The following ERCC1 variants were observed in gnomAD, a reference collection of about 807,000 sequenced individuals.
The protein encoded by ERCC1 is DNA excision repair protein ERCC-1.
Under a neutral mutation model 37.6 loss-of-function variants are expected in ERCC1, and 36 were observed. The ratio of observed to expected loss-of-function variants is 0.96; its 90% CI spans 0.73 to 1.26. The LOEUF (loss-of-function observed/expected upper bound fraction) is 1.26. ERCC1 is among the 50% of genes most tolerant of loss of function. The pLI is 0.00. For missense variants in ERCC1, 349 were observed against 376.5 expected, an observed-to-expected ratio of 0.93 and a Z score of 0.60; for synonymous variants, 156 against 162.1, an observed-to-expected ratio of 0.96 and a Z score of 0.28.
At chr19:45,442,935 G>C (rs1975158568) in intron 1 of ERCC1, among the ~76,000 whole-genome samples, 1 of 152,120 alleles carries the variant, frequency 6.6e-6, no homozygotes, top group African/African-American at 2.4e-5. Flanking sequence ...GACACATCTC[G>C]GTGATAGCAC....
At chr19:45,428,992 G>C (rs1001059912) in intron 1 of ERCC1, 4 of 152,254 alleles carry the variant, frequency 2.6e-5, no homozygotes, top group African/African-American at 9.6e-5. Flanking sequence ...GAGGCCCCCG[G>C]ATGGGGGGCA....
chr19:45,421,396 G>A lies in ERCC1; in HGVS notation c.106-3C>T, dbSNP rs56337328. On this transcript the variant is annotated splice_polypyrimidine_tract_variant and splice_region_variant and intron_variant, in intron 2 of 9. Coordinates refer to ENST00000300853, the MANE Select transcript of ERCC1 (RefSeq NM_001983.4). ...GTAGATCGGAATAAGGGCTTGGCCT[G>A]TGGGGAGAAAGGGAGTTTGCAGGGG... 5.3e-4 allele frequency: 834 copies of A among 1,580,016 alleles called. 4 individuals carry two copies. The African/African-American group carries it at 0.011, about 21-fold the overall frequency.
chr19:45,426,926 C>T (rs1332940939), upstream of ERCC1, among the ~76,000 whole-genome samples: 1 of 146,036 alleles, frequency 6.8e-6, no homozygotes, highest in South Asian at 2.2e-4. Context: ...CGCAATTGTA[C>T]TCCAGCCTGG....
At chr19:45,416,778 T>C (rs778573858) in intron 6 of ERCC1, 43 bp downstream of exon 6, 27 of 1,506,244 alleles carry the variant, frequency 1.8e-5, no homozygotes, top group Non-Finnish European at 2.4e-5. Flanking sequence ...CAGGGACCAA[T>C]CCCAGGTGGA....
chr19:45,416,481 C>T (rs1251731554), intron 6 of ERCC1: 2 of 287,314 alleles, frequency 7.0e-6, no homozygotes, highest in Non-Finnish European at 1.3e-5. Flanking sequence ...CAAAACCCGT[C>T]CCTACTAAAA....
intron 1 of ERCC1, among the ~76,000 whole-genome samples, chr19:45,435,504 G>A (rs1350770487): frequency 1.3e-5 from 2 of 152,022 alleles, no homozygotes; most frequent in African/African-American, 4.8e-5. Flanking sequence ...ATTCTGTTAC[G>A]CAGGTTGGAG....
chr19:45,444,456 C>T (rs1272989001), intron 1 of ERCC1, among the ~76,000 whole-genome samples: 1 of 152,100 alleles, frequency 6.6e-6, no homozygotes, highest in Non-Finnish European at 1.5e-5. Context: ...CAGGCCCCGC[C>T]CCGCCCCAGG....
chr19:45,434,174 A>AGAGG (rs1974912620), intron 1 of ERCC1, among the ~76,000 whole-genome samples: 3 of 146,754 alleles, frequency 2.0e-5, no homozygotes, highest in African/African-American at 7.6e-5. Context: ...AAAAAAAAAA[A>AGAGG]AAGAGGAAGA....
In ERCC1 at chr19:45,421,163, C is replaced by T. The variant is rs1285292206; in HGVS notation, c.321+15G>A. Reference sequence around the variant, plus strand: ...TGAAAACCTCAAGGCCTCACTTCTCCGTCTCCCTCCTCACCTGCCGAGGGC... The same window carrying T: ...TGAAAACCTCAAGGCCTCACTTCTCTGTCTCCCTCCTCACCTGCCGAGGGC... On this transcript the variant is annotated intron_variant, in intron 3 of 9. Coordinates refer to ENST00000300853, the MANE Select transcript of ERCC1 (RefSeq NM_001983.4). 27 of 1,611,818 alleles carry T rather than the reference C, an allele frequency of 1.7e-5. No homozygotes were observed. The highest frequency in any genetic ancestry group is 2.2e-5 in the East Asian group (1 of 44,864).
Position 45,420,475 on chromosome 19 carries a change from T to C in ERCC1, c.322-48A>G. 1 of 1,207,956 alleles carries C rather than the reference T, an allele frequency of 8.3e-7. No homozygotes were observed. Among genetic ancestry groups the C allele is most frequent in the Admixed American group, 1.8e-5 (1 of 56,676 alleles). The allele number at this position is 1,207,956 out of a possible 1,614,324, so 74.8% of individuals were successfully genotyped here. A position where few individuals can be genotyped will look rare whatever the true frequency, so the allele number is the denominator to read the frequency against. On this transcript the variant is annotated intron_variant, in intron 3 of 9. Coordinates refer to ENST00000300853, the MANE Select transcript of ERCC1 (RefSeq NM_001983.4). This position sits in a 1 kb window ranked among gnomAD's most constrained non-coding sequence, Gnocchi z 4.8. ...AGCCATCAATAGGGATGACCCTTGA[T>C]AACCACAGGGCCCTCCTCCACCTCT...
rs1245494177 is a variant in ERCC1, at chr19:45,421,875, C to T, written c.106-482G>A. ...CTCGAACTCCTGACCTCAGGTGATC[C>T]GCCCGCCTCGGCCTCCCAAAGTCCT... On this transcript the variant is annotated intron_variant, in intron 2 of 9. Transcript: ENST00000300853. 4.0e-5 allele frequency among the ~76,000 whole-genome samples: 6 copies of T among 151,776 alleles called. 1 individual carries two copies. Among genetic ancestry groups the T allele is most frequent in the South Asian group, 4.2e-4 (2 of 4,818 alleles).
intron 1 of ERCC1, among the ~76,000 whole-genome samples, chr19:45,437,439 T>C (rs1975010029): frequency 6.6e-6 from 1 of 152,218 alleles, no homozygotes; most frequent in East Asian, 1.9e-4. Context: ...AGCCAAGATA[T>C]GGAGTCAACC....
intron 1 of ERCC1, among the ~76,000 whole-genome samples, chr19:45,437,492 ATATACACACGATGGAATAC>A (rs1389401037): frequency 1.3e-5 from 2 of 152,194 alleles, no homozygotes; most frequent in Non-Finnish European, 2.9e-5. Flanking sequence ...CAAATGTTGC[ATATACACACGATGGAATAC>A]TATACAGCCT....
rs770853929 is a variant in ERCC1, at chr19:45,409,377, G to A, written c.*298C>T. On this transcript the variant is annotated 3_prime_UTR_variant, in exon 10 of 10. Transcript: ENST00000300853. ...AAGAGGAAGAAGCAGAGTCAGGAAA[G>A]CCGGATGCCAGAGACAGTGCCCCAA... is the stretch of plus-strand genomic sequence containing the variant. 1 of 1,614,120 alleles carries A rather than the reference G, an allele frequency of 6.2e-7. No homozygotes were observed. Among genetic ancestry groups the A allele is most frequent in the South Asian group, 1.1e-5 (1 of 91,064 alleles).
intron 4 of ERCC1, 85 bp from the exon 5 acceptor site, chr19:45,419,282 G>C: frequency 2.1e-6 from 2 of 958,686 alleles, no homozygotes. Flanking sequence ...GGAATACTAA[G>C]GGCTCAGAGT....
chr19:45,426,849 C>A (rs1209258784), upstream of ERCC1, among the ~76,000 whole-genome samples: 1 of 146,526 alleles, frequency 6.8e-6, no homozygotes, highest in African/African-American at 2.5e-5. Context: ...AATCCCAGCA[C>A]TTTGGAAAGC....
At chr19:45,426,090 A>G (rs1166561522), upstream of ERCC1, among the ~76,000 whole-genome samples, 1 of 151,978 alleles carries the variant, frequency 6.6e-6, no homozygotes, top group Non-Finnish European at 1.5e-5. Flanking sequence ...TTAAAAATAC[A>G]AAATTAGAGT....
chr19:45,429,853 C>T (rs1974790603), intron 1 of ERCC1, among the ~76,000 whole-genome samples: 1 of 152,124 alleles, frequency 6.6e-6, no homozygotes, highest in African/African-American at 2.4e-5. Context: ...GGCATGATCA[C>T]GATTCACTGC....
chr19:45,424,887 A>AT (rs993576914), upstream of ERCC1, among the ~76,000 whole-genome samples: 1 of 149,836 alleles, frequency 6.7e-6, no homozygotes, highest in Non-Finnish European at 1.5e-5. Flanking sequence ...GAGCCCTGCC[A>AT]TAACCCAGGG....
Sources: gnomAD v4.1 joint callset for allele counts (sites outside exome capture counted in the v4.1 genomes callset) on GRCh38, gnomAD v4.1.1 for gene constraint, Gnocchi (gnomAD v3.1) non-coding constraint, MANE v1.5 for transcripts, NCBI Gene and HGNC (gene_info 2026-07-23, HGNC 2026-07-21) for gene names.